The following KCNAB1 variants were observed in gnomAD, a reference collection of about 807,000 sequenced individuals.
KCNAB1 encodes voltage-gated potassium channel subunit beta-1.
In KCNAB1, 35 loss-of-function variants were observed where a neutral mutation model predicts 64.6. The ratio of observed to expected loss-of-function variants is 0.54; its 90% CI spans 0.41 to 0.72. KCNAB1 has a LOEUF of 0.72. KCNAB1 is among the 30% of genes least tolerant of loss of function. The pLI is 0.00. For synonymous variants in KCNAB1, 177 were observed against 183.8 expected (o/e 0.96, Z 0.30); for missense variants, 401 against 512.9 (o/e 0.78, Z 2.11).
At chr3:156,509,640 G>A (rs891048949) in intron 8 of KCNAB1, among the ~76,000 whole-genome samples, 1 of 152,192 alleles carries the variant, frequency 6.6e-6, no homozygotes. Context: ...GAACCACTGG[G>A]ATTAAGGCTT....
rs3772248 is a variant in KCNAB1, at chr3:156,363,133, T to C, written c.276-58483T>C. On this transcript the variant is annotated intron_variant, in intron 1 of 13. Transcript: ENST00000490337. The stretch of plus-strand genomic sequence containing the variant: ...CCATTACATTGCCTCAGAAAAATAA[T>C]TAGTTTCACCCCAGATCACATTTGA... Among the ~76,000 whole-genome samples, 87 of 151,688 alleles carry C rather than the reference T, an allele frequency of 5.7e-4. 1 individual carries two copies. In the East Asian group the frequency reaches 0.014, roughly 25 times the overall value.
At chr3:156,425,923 G>C (rs1715783738) in intron 2 of KCNAB1, among the ~76,000 whole-genome samples, 1 of 152,178 alleles carries the variant, frequency 6.6e-6, no homozygotes, top group Admixed American at 6.5e-5. Flanking sequence ...GAAGTCAAGT[G>C]GAGAGGGAGG....
At chr3:156,369,568 G>T (rs956100395) in intron 1 of KCNAB1, among the ~76,000 whole-genome samples, 3 of 152,260 alleles carry the variant, frequency 2.0e-5, no homozygotes, top group African/African-American at 4.8e-5. Flanking sequence ...GAGAGAAGCA[G>T]CAAAATAAGA....
At chr3:156,283,334 T>C (rs1048297628) in intron 1 of KCNAB1, among the ~76,000 whole-genome samples, 11 of 151,404 alleles carry the variant, frequency 7.3e-5, no homozygotes, top group African/African-American at 2.5e-4. Context: ...CTGAGAGATC[T>C]GCTGTTAGTC....
At position 156,120,803 on chromosome 3, in the gene KCNAB1, C is replaced by T. The variant is rs377199610; in HGVS notation, c.192C>T (p.Arg64=). Residue 64 remains arginine (R), a synonymous_variant, in exon 1 of 14, where the codon CGC becomes CGT. Transcript: ENST00000490337. ...QLRARQLALL[R]EVEMNWYLKL... ...GGGCGCGTCAACTGGCTCTGCTGCG[C>T]GAAGTGGAGATGAACTGGTACCTAA... 4.6e-5 allele frequency: 74 copies of T among 1,614,116 alleles called. No individual in the cohort carries two copies. The highest frequency in any genetic ancestry group is 2.2e-4 in the East Asian group (10 of 44,894).
At chr3:156,506,631 A>G (rs1242312026) in intron 8 of KCNAB1, among the ~76,000 whole-genome samples, 1 of 152,166 alleles carries the variant, frequency 6.6e-6, no homozygotes, top group Non-Finnish European at 1.5e-5. Flanking sequence ...GGAGTTTTGA[A>G]GAAGGTTCAA....
At chr3:156,237,740 G>T (rs1716931742) in intron 1 of KCNAB1, among the ~76,000 whole-genome samples, 1 of 152,056 alleles carries the variant, frequency 6.6e-6, no homozygotes, top group Non-Finnish European at 1.5e-5. Context: ...CCTCAAGGAG[G>T]CCTTTCCTGA....
intron 1 of KCNAB1, among the ~76,000 whole-genome samples, chr3:156,396,816 G>C (rs1713497660): frequency 6.6e-6 from 1 of 152,214 alleles, no homozygotes; most frequent in Non-Finnish European, 1.5e-5. Flanking sequence ...TACAAGCCAT[G>C]CTGGGGAAAC....
At chr3:156,121,001 A>G (rs1713310521) in intron 1 of KCNAB1, 115 bp downstream of exon 1, 2 of 1,252,834 alleles carry the variant, frequency 1.6e-6, no homozygotes, top group East Asian at 2.5e-5. Context: ...TAATTGCCTT[A>G]GAGATGATTG....
intron 1 of KCNAB1, among the ~76,000 whole-genome samples, chr3:156,252,507 T>C (rs1006127610): frequency 2.6e-5 from 4 of 152,248 alleles, no homozygotes; most frequent in African/African-American, 9.6e-5. Context: ...GAAGCTGATA[T>C]CCTTTGGTTG....
chr3:156,229,627 A>AAG, intron 1 of KCNAB1, among the ~76,000 whole-genome samples: 1 of 152,210 alleles, frequency 6.6e-6, no homozygotes, highest in East Asian at 1.9e-4. Context: ...AGCTGGTAAG[A>AAG]AGATGGGCTC....
intron 8 of KCNAB1, among the ~76,000 whole-genome samples, chr3:156,513,160 C>T (rs931861815): frequency 9.2e-5 from 14 of 151,834 alleles, no homozygotes; most frequent in South Asian, 4.1e-4. Flanking sequence ...TGCAGGGAGC[C>T]GAGATCTTGC....
At chr3:156,293,836 G>C (rs1365296175) in intron 1 of KCNAB1, among the ~76,000 whole-genome samples, 5 of 152,212 alleles carry the variant, frequency 3.3e-5, no homozygotes, top group African/African-American at 4.8e-5. Context: ...CTGCCTTGTG[G>C]ACACAGTGCT....
Position 156,395,342 on chromosome 3 carries a change from G to A in KCNAB1, c.276-26274G>A, listed in dbSNP as rs529412163. Among the ~76,000 whole-genome samples, 1,172 of 149,162 alleles carry A rather than the reference G, an allele frequency of 7.9e-3. 40 individuals are homozygous for A. The highest frequency in any genetic ancestry group is 0.029 in the African/African-American group (1,122 of 39,248). On this transcript the variant is annotated intron_variant, in intron 1 of 13. Transcript: ENST00000490337. ...GGGCGGATCACGAGGTCAGGAGATC[G>A]AGACCATCCCGGCTAAAACGGTGAA...
At chr3:156,381,064 A>G (rs535616563) in intron 1 of KCNAB1, among the ~76,000 whole-genome samples, 11 of 152,352 alleles carry the variant, frequency 7.2e-5, no homozygotes, top group African/African-American at 2.6e-4. Context: ...CTGTAAGCGT[A>G]TATCAAAGCA....
chr3:156,399,926 A>G (rs1713762991), intron 1 of KCNAB1, among the ~76,000 whole-genome samples: 1 of 152,180 alleles, frequency 6.6e-6, no homozygotes, highest in Non-Finnish European at 1.5e-5. Context: ...ACCACCATCT[A>G]GTTCAGTTAC....
chr3:156,422,340 A>G (rs1301262127), intron 2 of KCNAB1, among the ~76,000 whole-genome samples: 1 of 152,220 alleles, frequency 6.6e-6, no homozygotes, highest in Non-Finnish European at 1.5e-5. Context: ...CTGCCATTCA[A>G]CACCAATCAG....
chr3:156,434,551 G>A (rs953857110), intron 2 of KCNAB1, among the ~76,000 whole-genome samples: 1 of 151,954 alleles, frequency 6.6e-6, no homozygotes, highest in Non-Finnish European at 1.5e-5. Context: ...TAATATAGGT[G>A]TCATCATAGT....
rs1713301556 is a variant in KCNAB1 at position 156,120,870 on chromosome 3, A to G, written c.259A>G (p.Thr87Ala). Residue 87 changes from threonine to alanine, a missense_variant, in exon 1 of 14, where the codon ACA becomes GCA. Thr to Ala is a moderately conservative substitution (Grantham distance 58). Coordinates refer to ENST00000490337, the MANE Select transcript of KCNAB1 (RefSeq NM_172160.3). ...LSSEHTTVCT[T>A]GMPHRNLGKS... ...CAGCGAGCACACCACCGTCTGCACC[A>G]CAGGCATGCCGCACAGGTAAGCTGC... 4.3e-6 allele frequency: 7 copies of G among 1,613,972 alleles called. No individual in the cohort carries two copies. In the South Asian group the frequency reaches 7.7e-5, roughly 18 times the overall value.
Sources: gnomAD v4.1 joint callset for allele counts (sites outside exome capture counted in the v4.1 genomes callset) on GRCh38, gnomAD v4.1.1 for gene constraint, MANE v1.5 for transcripts, NCBI Gene and HGNC (gene_info 2026-07-23, HGNC 2026-07-21) for gene names.